The following SLC35D1 variants were observed in gnomAD, a reference collection of about 807,000 sequenced individuals.
SLC35D1 encodes the protein solute carrier family 35 member D1, also known as nucleotide sugar transporter SLC35D1.
A neutral mutation model predicts 46.7 loss-of-function variants in SLC35D1; 31 were observed. The observed-to-expected ratio is 0.66, with a 90% CI of 0.50 to 0.90. SLC35D1 has a LOEUF of 0.90. Ranked by LOEUF, SLC35D1 falls within the 40% of genes least tolerant of loss-of-function variation. SLC35D1 has a pLI of 0.00. For synonymous variants in SLC35D1, 195 were observed against 164.6 expected, an observed-to-expected ratio of 1.18 and a Z score of -1.41; for missense variants, 397 against 426.2, an observed-to-expected ratio of 0.93 and a Z score of 0.60.
the SLC35D1 span, among the ~76,000 whole-genome samples, chr1:66,983,759 G>A: frequency 2.0e-5 from 3 of 151,998 alleles, no homozygotes; most frequent in Non-Finnish European, 4.4e-5. Context: ...ACAGAGTCTC[G>A]CTTTGTCGCC....
At chr1:67,018,480 AAAG>A (rs1222500996) in intron 10 of SLC35D1, among the ~76,000 whole-genome samples, 3 of 152,222 alleles carry the variant, frequency 2.0e-5, no homozygotes, top group African/African-American at 7.2e-5. Context: ...CGTCTTCAAA[AAAG>A]AAATTATCAA....
chr1:67,030,825 G>T (rs1341588940), intron 8 of SLC35D1, among the ~76,000 whole-genome samples: 1 of 152,114 alleles, frequency 6.6e-6, no homozygotes, highest in African/African-American at 2.4e-5. Flanking sequence ...AGCAGCAAAT[G>T]ATTAAAAAAG....
the SLC35D1 span, chr1:66,988,258 C>T: frequency 6.6e-6 from 1 of 152,256 alleles, no homozygotes; most frequent in Non-Finnish European, 1.5e-5. Flanking sequence ...AAAAATGACT[C>T]TCTTCTCTCA....
At chr1:66,977,415 T>A in the SLC35D1 span, among the ~76,000 whole-genome samples, 1 of 152,044 alleles carries the variant, frequency 6.6e-6, no homozygotes, top group African/African-American at 2.4e-5. Flanking sequence ...CAGCATACAG[T>A]TTTTTTATAG....
chr1:66,997,282 A>G (rs924642771), downstream of SLC35D1, among the ~76,000 whole-genome samples: 8 of 152,048 alleles, frequency 5.3e-5, no homozygotes, highest in African/African-American at 1.7e-4. Flanking sequence ...AGACCCAGGC[A>G]GGCAGATTGC....
At chr1:67,049,953 AT>A in intron 5 of SLC35D1, 103 bp from the exon 6 acceptor site, 1 of 838,654 alleles carries the variant, frequency 1.2e-6, no homozygotes, top group Non-Finnish European at 2.0e-6. Flanking sequence ...GCTATAAACA[AT>A]CGTATTTTAA....
chr1:67,050,370 C>G, intron 5 of SLC35D1, 63 bp downstream of exon 5: 2 of 1,219,722 alleles, frequency 1.6e-6, no homozygotes, highest in Non-Finnish European at 2.4e-6. Flanking sequence ...TTTAATATCT[C>G]ACATATGCTG....
At chr1:67,027,890 C>T (rs1465946121) in intron 8 of SLC35D1, among the ~76,000 whole-genome samples, 2 of 151,988 alleles carry the variant, frequency 1.3e-5, no homozygotes, top group Non-Finnish European at 2.9e-5. Context: ...AGCCACCATG[C>T]CTGGCTAATT....
At chr1:66,984,699 T>C in the SLC35D1 span, 2 of 1,614,046 alleles carry the variant, frequency 1.2e-6, no homozygotes, top group East Asian at 2.2e-5. Flanking sequence ...CTAATGGTTA[T>C]GAAACAGATA....
chr1:67,005,000 T>A (rs944593125), intron 11 of SLC35D1, among the ~76,000 whole-genome samples: 2 of 152,336 alleles, frequency 1.3e-5, no homozygotes, highest in African/African-American at 4.8e-5. Flanking sequence ...TGGTTGCTGG[T>A]ACCCCTCACT....
At chr1:67,020,507 G>T in intron 9 of SLC35D1, 60 bp from the exon 10 acceptor site, 3 of 1,240,224 alleles carry the variant, frequency 2.4e-6, no homozygotes, top group Non-Finnish European at 3.6e-6. Flanking sequence ...CTCTAGCCAA[G>T]ATAAACAATC....
intron 8 of SLC35D1, among the ~76,000 whole-genome samples, chr1:67,031,315 A>C (rs1668012887): frequency 1.3e-5 from 2 of 152,180 alleles, no homozygotes; most frequent in African/African-American, 2.4e-5. Flanking sequence ...CAAAAGCAGC[A>C]GCAGCCATTT....
At chr1:67,035,766 C>A (rs1277562101) in intron 8 of SLC35D1, among the ~76,000 whole-genome samples, 1 of 136,626 alleles carries the variant, frequency 7.3e-6, no homozygotes, top group Non-Finnish European at 1.6e-5. Flanking sequence ...TTTTCTAGTT[C>A]TTTAAGATGT....
chr1:67,026,210 T>A (rs1219566327), intron 8 of SLC35D1, among the ~76,000 whole-genome samples: 1 of 152,180 alleles, frequency 6.6e-6, no homozygotes, highest in African/African-American at 2.4e-5. Context: ...TTATTGAGAA[T>A]TTTACACTCA....
chr1:67,039,399 A>G (rs1668192799), intron 8 of SLC35D1, among the ~76,000 whole-genome samples: 1 of 151,918 alleles, frequency 6.6e-6, no homozygotes, highest in Admixed American at 6.6e-5. Flanking sequence ...TCTCCCTCCC[A>G]TTCCTGTTCT....
At chr1:67,042,891 C>T (rs1186368418) in intron 7 of SLC35D1, among the ~76,000 whole-genome samples, 2 of 151,840 alleles carry the variant, frequency 1.3e-5, no homozygotes, top group African/African-American at 4.8e-5. Context: ...TGGTGAAACA[C>T]TGTCTCTACA....
chr1:66,973,010 T>A, the SLC35D1 span: 2 of 1,427,684 alleles, frequency 1.4e-6, no homozygotes, highest in African/African-American at 1.4e-5. Context: ...TGATAATCTC[T>A]TTTTTGCAAA....
chr1:67,033,681 T>A (rs1183846079), intron 8 of SLC35D1, among the ~76,000 whole-genome samples: 4 of 152,184 alleles, frequency 2.6e-5, no homozygotes, highest in African/African-American at 9.7e-5. Flanking sequence ...TGCAGAAGCT[T>A]TTTAACTTGA....
chr1:66,995,634 A>G (rs1420712893), downstream of SLC35D1, among the ~76,000 whole-genome samples: 1 of 151,888 alleles, frequency 6.6e-6, no homozygotes, highest in Non-Finnish European at 1.5e-5. Flanking sequence ...ACTATAACGA[A>G]AGATGCACTC....
Sources: allele counts gnomAD v4.1 joint callset (sites outside exome capture counted in the v4.1 genomes callset), GRCh38; gene constraint gnomAD v4.1.1; transcripts MANE v1.5; gene names NCBI Gene and HGNC (gene_info 2026-07-23, HGNC 2026-07-21).